The following PTK2 variants were observed in gnomAD, a reference collection of about 807,000 sequenced individuals.
PTK2 encodes the protein focal adhesion kinase 1.
Under a neutral mutation model 150.1 loss-of-function variants are expected in PTK2, and 45 were observed. That is an observed-to-expected ratio of 0.30 (90% CI 0.24 to 0.38). The LOEUF is 0.38. PTK2 is among the 10% of genes least tolerant of loss of function. The pLI is 1.00. For synonymous variants in PTK2, 432 were observed against 449.2 expected (o/e 0.96, Z 0.48); for missense variants, 919 against 1,307.3 (o/e 0.70, Z 4.58).
intron 1 of PTK2, among the ~76,000 whole-genome samples, chr8:140,962,614 C>G (rs914860252): frequency 6.6e-6 from 1 of 151,906 alleles, no homozygotes; most frequent in Admixed American, 6.6e-5. Flanking sequence ...CTGGCTAACA[C>G]AGTGAAACCT....
At chr8:140,706,064 C>T in intron 24 of PTK2, 55 bp downstream of exon 27, 1 of 1,421,840 alleles carries the variant, frequency 7.0e-7, no homozygotes, top group Non-Finnish European at 9.9e-7. Flanking sequence ...CCGCTCTACC[C>T]CAAAAGCGCT....
chr8:140,868,514 T>C (rs536885786), intron 4 of PTK2, among the ~76,000 whole-genome samples: 11 of 152,162 alleles, frequency 7.2e-5, no homozygotes, highest in Non-Finnish European at 1.0e-4. Context: ...TTCTTAATTA[T>C]AAAGGGGAAA....
chr8:140,989,212 T>TAAAAAAAA (rs71310816), intron 1 of PTK2, among the ~76,000 whole-genome samples: 2 of 60,582 alleles, frequency 3.3e-5, no homozygotes, highest in Non-Finnish European at 5.8e-5. Flanking sequence ...ACCCTGTCTC[T>TAAAAAAAA]AAAAAAAAAA....
chr8:140,912,756 C>T (rs562964973), intron 2 of PTK2, among the ~76,000 whole-genome samples: 8 of 152,026 alleles, frequency 5.3e-5, no homozygotes, highest in East Asian at 1.9e-4. Flanking sequence ...ATCAGGAGTT[C>T]GAGACCAGCC....
intron 29 of PTK2, 78 bp from the exon 34 acceptor site, chr8:140,668,502 C>CTAA: frequency 6.8e-7 from 1 of 1,473,320 alleles, no homozygotes. Flanking sequence ...TAGAGAGGGT[C>CTAA]TTTACAAGAG....
At chr8:140,688,448 G>A (rs557016031) in intron 26 of PTK2, among the ~76,000 whole-genome samples, 3 of 133,296 alleles carry the variant, frequency 2.3e-5, no homozygotes, top group East Asian at 2.1e-4. Flanking sequence ...GTGTGGTGGT[G>A]TGTGCCTGCA....
intron 11 of PTK2, among the ~76,000 whole-genome samples, chr8:140,803,040 G>C (rs902812906): frequency 9.2e-6 from 1 of 108,666 alleles, no homozygotes; most frequent in Non-Finnish European, 1.7e-5. Flanking sequence ...TTTGAGACAC[G>C]GTCTTGCTCT....
At chr8:140,952,678 G>A (rs964311827) in intron 1 of PTK2, among the ~76,000 whole-genome samples, 1 of 152,122 alleles carries the variant, frequency 6.6e-6, no homozygotes, top group African/African-American at 2.4e-5. Flanking sequence ...TATGAGATAT[G>A]TACTGTAACA....
At chr8:140,926,568 A>G (rs1001072281) in intron 1 of PTK2, among the ~76,000 whole-genome samples, 1 of 152,188 alleles carries the variant, frequency 6.6e-6, no homozygotes, top group Admixed American at 6.5e-5. Context: ...CATGAGGCTC[A>G]TGTGATAGTC....
chr8:140,851,267 C>T (rs940454742), intron 5 of PTK2, among the ~76,000 whole-genome samples: 30 of 152,140 alleles, frequency 2.0e-4, no homozygotes, highest in African/African-American at 6.0e-4. Context: ...TGAACAATTA[C>T]GCTACCTTAA....
At chr8:140,993,333 C>G (rs192881184) in intron 1 of PTK2, among the ~76,000 whole-genome samples, 1 of 152,136 alleles carries the variant, frequency 6.6e-6, no homozygotes, top group Non-Finnish European at 1.5e-5. Flanking sequence ...TTTTAAGTGA[C>G]GTTCTTTACC....
intron 3 of PTK2, among the ~76,000 whole-genome samples, chr8:140,881,429 C>T (rs537719005): frequency 6.6e-5 from 10 of 152,252 alleles, no homozygotes; most frequent in African/African-American, 2.4e-4. Context: ...CTCCTGGTTC[C>T]CTGTCCAGCT....
rs747300822 is a variant in PTK2 at position 140,890,804 on chromosome 8, T to C, written c.-32-35A>G. The C allele has an allele frequency of 1.5e-5, 23 of 1,549,666 alleles. No homozygotes were observed. The South Asian group carries it at 2.5e-4, about 17-fold the overall frequency. ...GAACAAAATAATTTTTTGTGTATAA[T>C]ACTTGAAATCTACCAATTACAATGT... On this transcript the variant is annotated intron_variant, in intron 2 of 31. Transcript: ENST00000522684.
At chr8:140,662,386 A>C (rs2081797760) in intron 31 of PTK2, among the ~76,000 whole-genome samples, 1 of 152,216 alleles carries the variant, frequency 6.6e-6, no homozygotes, top group East Asian at 1.9e-4. Flanking sequence ...ATTACTTTAG[A>C]CTTTATCAAC....
chr8:140,702,033 C>T (rs548944456), intron 25 of PTK2, among the ~76,000 whole-genome samples: 23 of 133,424 alleles, frequency 1.7e-4, no homozygotes, highest in South Asian at 1.3e-3. Context: ...GAGGCTGAGG[C>T]GGGAGAATTG....
At position 140,942,048 on chromosome 8, in the gene PTK2, C is replaced by T. The variant is rs184062013; in HGVS notation, c.-121-16299G>A. ...GGGACCACAGGCATGTGCCACCACA[C>T]CTGGCTAATTTTAAAATTTTTTGTA... On this transcript the variant is annotated intron_variant, in intron 1 of 31. Transcript: ENST00000522684. Among the ~76,000 whole-genome samples the T allele has an allele frequency of 3.4e-3, 519 of 151,570 alleles. 4 individuals are homozygous for T. The highest frequency in any genetic ancestry group is 0.012 in the African/African-American group (504 of 41,270).
intron 14 of PTK2, among the ~76,000 whole-genome samples, chr8:140,776,085 C>A (rs2100078249): frequency 6.6e-6 from 1 of 152,196 alleles, no homozygotes; most frequent in Non-Finnish European, 1.5e-5. Context: ...CTTACTATAA[C>A]CTCCGGCTCC....
At chr8:140,666,991 T>C (rs2092463787) in intron 30 of PTK2, among the ~76,000 whole-genome samples, 1 of 152,190 alleles carries the variant, frequency 6.6e-6, no homozygotes, top group Non-Finnish European at 1.5e-5. Flanking sequence ...TCTGAGATAC[T>C]ATGCTGAGTG....
In PTK2 at chr8:140,962,245, AAGGAAGGG is replaced by A. The variant is rs1464251070; in HGVS notation, c.-121-36504_-121-36497del. Reference sequence around the variant, plus strand: ...AAAAAAAAAAAAAAAGGAAGGAAGAAAGGAAGGGAGGAAGGGAAGAAGGGAGGGAGGAA... The same window carrying A: ...AAAAAAAAAAAAAAAGGAAGGAAGAAAGGAAGGGAAGAAGGGAGGGAGGAA... On this transcript the variant is annotated intron_variant, in intron 1 of 31. Transcript: ENST00000522684. Among the ~76,000 whole-genome samples the A allele has an allele frequency of 1.1e-3, 153 of 144,614 alleles. 1 individual carries two copies. In the South Asian group the frequency reaches 0.014, roughly 14 times the overall value. 94.9% of individuals were successfully genotyped at this position (144,614 alleles called of 152,430 possible).
Sources: allele counts gnomAD v4.1 joint callset (sites outside exome capture counted in the v4.1 genomes callset), GRCh38; gene constraint gnomAD v4.1.1; transcripts MANE v1.5; gene names NCBI Gene and HGNC (gene_info 2026-07-23, HGNC 2026-07-21).